WDR73: variants seen among roughly 807,000 people sequenced by gnomAD.
WDR73 encodes WD repeat domain 73.
In WDR73, 30 loss-of-function variants were observed where a neutral mutation model predicts 38.2. The observed-to-expected ratio is 0.79, with a 90% CI of 0.59 to 1.06. WDR73 has a LOEUF of 1.06. WDR73 is among the 50% of genes least tolerant of loss of function. The pLI is 0.00. For synonymous variants in WDR73, 197 were observed against 176.0 expected, an observed-to-expected ratio of 1.12 and a Z score of -0.94; for missense variants, 487 against 467.0, an observed-to-expected ratio of 1.04 and a Z score of -0.40.
rs1203301827 is a variant in WDR73, at chr15:84,643,515, G to C, written c.1092C>G (p.Ala364=). 10 of 1,584,388 alleles carry C rather than the reference G, an allele frequency of 6.3e-6. No individual in the cohort carries two copies. Among genetic ancestry groups the C allele is most frequent in the Non-Finnish European group, 8.6e-6 (10 of 1,164,796 alleles). The change falls in exon 8 of 8, where the codon GCC becomes GCG. Residue 364 remains alanine, a synonymous_variant. Coordinates refer to ENST00000434634, the MANE Select transcript of WDR73 (RefSeq NM_032856.5). The part of the protein sequence containing the change: ...PRTLLSATND[A]SLHVWDWVDL... ...CCACCCAGTCCCACACATGCAGAGA[G>C]GCATCATTTGTTGCTGATAACAAAG...
intron 4 of WDR73, chr15:84,648,299 C>T (rs1309172990): frequency 1.7e-5 from 10 of 585,036 alleles, no homozygotes; most frequent in East Asian, 5.6e-5. Flanking sequence ...TTCCCTGGAG[C>T]AACTCCGGTA....
At chr15:84,654,116 C>T in intron 1 of WDR73, 118 bp downstream of exon 1, 3 of 1,396,208 alleles carry the variant, frequency 2.1e-6, no homozygotes, top group Non-Finnish European at 3.0e-6. Context: ...GTGGCGAGCC[C>T]CGAGGCCACA....
chr15:84,651,240 C>T (rs948174747), intron 3 of WDR73, among the ~76,000 whole-genome samples: 1 of 152,090 alleles, frequency 6.6e-6, no homozygotes, highest in Non-Finnish European at 1.5e-5. Context: ...GCCTGGCCAA[C>T]ACAGTGAAAC....
In WDR73 at chr15:84,653,699, C is replaced by A; in HGVS notation, c.42G>T (p.Leu14Phe). The part of the protein sequence containing the change: ...GDDWLVESLR[L>F]YQDFYAFDLS... ...GGTCGAATGCATAGAAATCCTGGTACCTGCACAAAAGGGACACAGAATCAC... is the reference window on the plus strand; with the variant it reads ...GGTCGAATGCATAGAAATCCTGGTAACTGCACAAAAGGGACACAGAATCAC... Residue 14 changes from leucine (L) to phenylalanine (F), a missense_variant and splice_region_variant, in exon 2 of 8, where the codon TTG (leucine) becomes TTT (phenylalanine). Coordinates refer to ENST00000434634, the MANE Select transcript of WDR73 (RefSeq NM_032856.5). The A allele has an allele frequency of 6.3e-7, 1 of 1,587,380 alleles. No homozygotes were observed. Among genetic ancestry groups the A allele is most frequent in the South Asian group, 1.2e-5 (1 of 86,952 alleles).
At position 84,648,734 on chromosome 15, in the gene WDR73, C is replaced by G. The variant is rs894108841; in HGVS notation, c.199-109G>C. On this transcript the variant is annotated intron_variant, in intron 3 of 7. Transcript: ENST00000434634. Reference sequence around the variant, plus strand: ...GCCTGGCAGGAGGCCATGGAAGCCACTCAGCTGGTGAAAGGGCGTTGGTGT... The same window carrying G: ...GCCTGGCAGGAGGCCATGGAAGCCAGTCAGCTGGTGAAAGGGCGTTGGTGT... The G allele has an allele frequency of 4.8e-6, 4 of 838,110 alleles. No homozygotes were observed. In the Admixed American group the frequency reaches 7.8e-5, roughly 16 times the overall value. 51.9% of individuals were successfully genotyped at this position (838,110 alleles called of 1,614,324 possible). A position where few individuals can be genotyped will look rare whatever the true frequency, so the allele number is the denominator to read the frequency against.
At position 84,645,493 on chromosome 15, in the gene WDR73, C is replaced by T. The variant is rs1596050091; in HGVS notation, c.861G>A (p.Leu287=). 6.2e-7 allele frequency: 1 copy of T among 1,612,238 alleles called. No individual in the cohort carries two copies. ...TACCTGAGATGGCCAAGCAATTCTT[C>T]AGGCCTGGGGCCCAAGTCACTCGCA... The part of the protein sequence containing the change: ...ELLRVTWAPG[L]KNCLAISGFD... The change falls in exon 7 of 8, where the codon CTG becomes CTA. Residue 287 remains leucine, a synonymous_variant. Transcript: ENST00000434634.
rs1378262803 is a variant in WDR73, at chr15:84,639,594, AAG to A, written c.*3874_*3875del. On this transcript the variant is annotated 3_prime_UTR_variant, in exon 8 of 8. Transcript: ENST00000434634. ...TCTAGATCTTCAAATTCTGGAGAAA[AAG>A]AGAGTGTGAAAGACTGCTCAGTGGC... 1 of 152,146 alleles carries A rather than the reference AAG, an allele frequency of 6.6e-6. No homozygotes were observed. Among genetic ancestry groups the A allele is most frequent in the Non-Finnish European group, 1.5e-5 (1 of 68,042 alleles). 9.4% of individuals were successfully genotyped at this position (152,146 alleles called of 1,614,324 possible).
In WDR73 at chr15:84,641,778, CA is replaced by C. The variant is rs1462679537; in HGVS notation, c.*1691del. The C allele has an allele frequency of 6.6e-6, 1 of 152,156 alleles. No individual in the cohort carries two copies. Among genetic ancestry groups the C allele is most frequent in the Non-Finnish European group, 1.5e-5 (1 of 68,036 alleles). The allele number at this position is 152,156 out of a possible 1,614,324, so 9.4% of individuals were successfully genotyped here. A position where few individuals can be genotyped will look rare whatever the true frequency, so the allele number is the denominator to read the frequency against. On this transcript the variant is annotated 3_prime_UTR_variant, in exon 8 of 8. Transcript: ENST00000434634. ...GTGATCCACCCACCTTGGCCCCCCA[CA>C]AAGTGCTGGGATTACAGGCGTGAGC...
At position 84,642,003 on chromosome 15, in the gene WDR73, ATT is replaced by A. The variant is rs1292650972; in HGVS notation, c.*1465_*1466del. 3 of 151,960 alleles carry A rather than the reference ATT, an allele frequency of 2.0e-5. No individual in the cohort carries two copies. Among genetic ancestry groups the A allele is most frequent in the Non-Finnish European group, 4.4e-5 (3 of 67,962 alleles). The allele number at this position is 151,960 out of a possible 1,614,324, so 9.4% of individuals were successfully genotyped here. A position where few individuals can be genotyped will look rare whatever the true frequency, so the allele number is the denominator to read the frequency against. On this transcript the variant is annotated 3_prime_UTR_variant, in exon 8 of 8. Transcript: ENST00000434634. ...GACATGAGCCACATGCTTGACCTGA[ATT>A]TTAACTGCAGTTAATTATCACTTAA...
Position 84,652,049 on chromosome 15 carries a change from G to A in WDR73, c.198+665C>T, listed in dbSNP as rs527730311. Among the ~76,000 whole-genome samples, 6 of 152,180 alleles carry A rather than the reference G, an allele frequency of 3.9e-5. No homozygotes were observed. The East Asian group carries it at 1.2e-3, about 29-fold the overall frequency. On this transcript the variant is annotated intron_variant, in intron 3 of 7. Coordinates refer to ENST00000434634, the MANE Select transcript of WDR73 (RefSeq NM_032856.5). ...TGCCTGGCTAATTTTTGTATTTTTAGTAGAGACGGGGTTTCACCATGTTGG... is the reference window on the plus strand; with the variant it reads ...TGCCTGGCTAATTTTTGTATTTTTAATAGAGACGGGGTTTCACCATGTTGG...
intron 7 of WDR73, chr15:84,644,810 C>T (rs1896392366): frequency 6.6e-6 from 1 of 152,056 alleles, no homozygotes. Flanking sequence ...ATCTCCTGAC[C>T]TTGTGATCCA....
At position 84,640,884 on chromosome 15, in the gene WDR73, G is replaced by A. The variant is rs1484566340; in HGVS notation, c.*2586C>T. 3 of 152,018 alleles carry A rather than the reference G, an allele frequency of 2.0e-5. No homozygotes were observed. The highest frequency in any genetic ancestry group is 7.3e-5 in the African/African-American group (3 of 41,356). The allele number at this position is 152,018 out of a possible 1,614,324, so 9.4% of individuals were successfully genotyped here. A position where few individuals can be genotyped will look rare whatever the true frequency, so the allele number is the denominator to read the frequency against. ...CATTGTGATGGTTTCTACCTCCCTG[G>A]GCTGTTATGAGGATCCTGACACAGT... On this transcript the variant is annotated 3_prime_UTR_variant, in exon 8 of 8. Transcript: ENST00000434634.
chr15:84,648,632 T>C lies in WDR73; in HGVS notation c.199-7A>G. 1 of 1,606,154 alleles carries C rather than the reference T, an allele frequency of 6.2e-7. No homozygotes were observed. Among genetic ancestry groups the C allele is most frequent in the African/African-American group, 1.3e-5 (1 of 74,886 alleles). On this transcript the variant is annotated splice_region_variant and splice_polypyrimidine_tract_variant and intron_variant, in intron 3 of 7. Coordinates refer to ENST00000434634, the MANE Select transcript of WDR73 (RefSeq NM_032856.5). ...CTCTTTCTGGGAATAAGCCCTAAAATACAAAGGAGTAGCCAATCAGAGCCA... is the reference window on the plus strand; with the variant it reads ...CTCTTTCTGGGAATAAGCCCTAAAACACAAAGGAGTAGCCAATCAGAGCCA...
At chr15:84,646,108 GT>G in intron 6 of WDR73, 75 bp downstream of exon 6, 8 of 1,601,688 alleles carry the variant, frequency 5.0e-6, no homozygotes, top group Non-Finnish European at 6.8e-6. Flanking sequence ...GTTGAACTCA[GT>G]TTTTATAGTG....
chr15:84,645,156 T>C lies in WDR73; in HGVS notation c.883+315A>G, dbSNP rs867271608. ...TAGTAGGGACGGGGTTTCACCGTGTTAGCCACTGTCCCCTTTTCTTTCTGA... is the reference window on the plus strand; with the variant it reads ...TAGTAGGGACGGGGTTTCACCGTGTCAGCCACTGTCCCCTTTTCTTTCTGA... On this transcript the variant is annotated intron_variant, in intron 7 of 7. Coordinates refer to ENST00000434634, the MANE Select transcript of WDR73 (RefSeq NM_032856.5). 30 of 1,186,446 alleles carry C rather than the reference T, an allele frequency of 2.5e-5. No homozygotes were observed. In the African/African-American group the frequency reaches 3.9e-4, roughly 15 times the overall value. The allele number at this position is 1,186,446 out of a possible 1,614,324, so 73.5% of individuals were successfully genotyped here. A position where few individuals can be genotyped will look rare whatever the true frequency, so the allele number is the denominator to read the frequency against.
At position 84,640,626 on chromosome 15, in the gene WDR73, T is replaced by G. The variant is rs1164846545; in HGVS notation, c.*2844A>C. 6.6e-6 allele frequency: 1 copy of G among 152,256 alleles called. No individual in the cohort carries two copies. The highest frequency in any genetic ancestry group is 2.4e-5 in the African/African-American group (1 of 41,536). 9.4% of individuals were successfully genotyped at this position (152,256 alleles called of 1,614,324 possible). ...CAGGAGAATCACTTGAGCCCAGGAG[T>G]TGGAGGCCGCAGTGAGCTGTGATCA... On this transcript the variant is annotated 3_prime_UTR_variant, in exon 8 of 8. Coordinates refer to ENST00000434634, the MANE Select transcript of WDR73 (RefSeq NM_032856.5).
At position 84,642,385 on chromosome 15, in the gene WDR73, C is replaced by T. The variant is rs530722666; in HGVS notation, c.*1085G>A. On this transcript the variant is annotated 3_prime_UTR_variant, in exon 8 of 8. Transcript: ENST00000434634. The stretch of plus-strand genomic sequence containing the variant: ...AAAAAATTCAACCACCTTAGGAAGC[C>T]TCTCATTTATGTATTTCTAGCATGT... 3.3e-5 allele frequency: 5 copies of T among 151,878 alleles called. No homozygotes were observed. The highest frequency in any genetic ancestry group is 3.3e-4 in the Admixed American group (5 of 15,234). The allele number at this position is 151,878 out of a possible 1,614,324, so 9.4% of individuals were successfully genotyped here.
chr15:84,648,730 GC>G lies in WDR73; in HGVS notation c.199-106del, dbSNP rs992848916. 5.8e-6 allele frequency: 5 copies of G among 868,680 alleles called. No homozygotes were observed. In the African/African-American group the frequency reaches 8.3e-5, roughly 14 times the overall value. 53.8% of individuals were successfully genotyped at this position (868,680 alleles called of 1,614,324 possible). On this transcript the variant is annotated intron_variant, in intron 3 of 7. Coordinates refer to ENST00000434634, the MANE Select transcript of WDR73 (RefSeq NM_032856.5). ...CCTAGCCTGGCAGGAGGCCATGGAA[GC>G]CACTCAGCTGGTGAAAGGGCGTTGG...
At chr15:84,644,308 C>A (rs910905318) in intron 7 of WDR73, 2 of 154,052 alleles carry the variant, frequency 1.3e-5, no homozygotes, top group African/African-American at 4.8e-5. Context: ...CACGTCCCTG[C>A]ACGATCTAGC....
Sources: gnomAD v4.1 joint callset for allele counts (sites outside exome capture counted in the v4.1 genomes callset) on GRCh38, gnomAD v4.1.1 for gene constraint, MANE v1.5 for transcripts, NCBI Gene and HGNC (gene_info 2026-07-23, HGNC 2026-07-21) for gene names.